The following TIGIT variants were observed in gnomAD, a reference collection of about 807,000 sequenced individuals.
TIGIT encodes T cell immunoreceptor with Ig and ITIM domains.
TIGIT carries 11 observed loss-of-function variants against 19.6 expected under a neutral mutation model. The observed-to-expected ratio is 0.56, with a 90% CI of 0.35 to 0.93. The LOEUF (loss-of-function observed/expected upper bound fraction) is 0.93, where lower values mean the gene tolerates loss of function less well. Among genes scored for constraint, TIGIT ranks in the 40% least tolerant of loss-of-function variants. TIGIT has a pLI of 0.01. For synonymous variants in TIGIT, 130 were observed against 125.5 expected (o/e 1.04, Z -0.24); for missense variants, 295 against 303.9 (o/e 0.97, Z 0.22).
In TIGIT at chr3:114,309,861, A is replaced by G. The variant is rs570773934; in HGVS notation, c.*1730A>G. 3.9e-5 allele frequency: 6 copies of G among 152,304 alleles called. No individual in the cohort carries two copies. In the South Asian group the frequency reaches 1.2e-3, roughly 32 times the overall value. The allele number at this position is 152,304 out of a possible 1,614,324, so 9.4% of individuals were successfully genotyped here. A position where few individuals can be genotyped will look rare whatever the true frequency, so the allele number is the denominator to read the frequency against. ...TGGACTGAGAGTTGGGTGTTATTTA[A>G]CATAATTATGGTAATTGGGAAACAT... On this transcript the variant is annotated 3_prime_UTR_variant, in exon 4 of 4. Transcript: ENST00000383671.
At chr3:114,300,041 A>C (rs1037791644) in intron 3 of TIGIT, among the ~76,000 whole-genome samples, 17 of 152,176 alleles carry the variant, frequency 1.1e-4, no homozygotes, top group African/African-American at 4.1e-4. Flanking sequence ...TATATATGCT[A>C]GAGCTTTCTG....
intron 2 of TIGIT, among the ~76,000 whole-genome samples, chr3:114,298,817 T>G (rs2078471220): frequency 6.6e-6 from 1 of 152,206 alleles, no homozygotes; most frequent in Admixed American, 6.5e-5. Context: ...CCTGGATACC[T>G]GAGCCCTACC....
rs1453740253 is a variant in TIGIT at position 114,309,330 on chromosome 3, C to T, written c.*1199C>T. The T allele has an allele frequency of 6.6e-6, 1 of 152,142 alleles. No homozygotes were observed. Among genetic ancestry groups the T allele is most frequent in the Admixed American group, 6.5e-5 (1 of 15,278 alleles). The allele number at this position is 152,142 out of a possible 1,614,324, so 9.4% of individuals were successfully genotyped here. On this transcript the variant is annotated 3_prime_UTR_variant, in exon 4 of 4. Coordinates refer to ENST00000383671, the MANE Select transcript of TIGIT (RefSeq NM_173799.4). ...TTATTTCTGTTTAATTGCATTCAGG[C>T]TGGATCTTAGAAGACTTTTATCCTT...
chr3:114,303,551 G>GTATA (rs1236072928), intron 3 of TIGIT, among the ~76,000 whole-genome samples: 4 of 5,754 alleles, frequency 7.0e-4, no homozygotes, highest in Admixed American at 3.1e-3. Context: ...ACATATATAT[G>GTATA]TATATATATA....
rs1026101260 is a variant in TIGIT, at chr3:114,295,539, C to T, written c.62-6C>T. ...GGACTCACATGTGCTTCGTCCTCTT[C>T]CCTAGGAATGATGACAGGCACAATA... On this transcript the variant is annotated splice_region_variant and splice_polypyrimidine_tract_variant and intron_variant, in intron 1 of 3. Transcript: ENST00000383671. The T allele has an allele frequency of 1.2e-6, 2 of 1,609,654 alleles. No individual in the cohort carries two copies. The highest frequency in any genetic ancestry group is 1.7e-6 in the Non-Finnish European group (2 of 1,177,392).
chr3:114,298,690 A>G (rs1320105560), intron 2 of TIGIT, among the ~76,000 whole-genome samples: 1 of 152,188 alleles, frequency 6.6e-6, no homozygotes, highest in Non-Finnish European at 1.5e-5. Context: ...GGGAATTTGA[A>G]TTGTGCAGGC....
At chr3:114,298,221 C>A (rs564401508) in intron 2 of TIGIT, among the ~76,000 whole-genome samples, 1 of 152,304 alleles carries the variant, frequency 6.6e-6, no homozygotes, top group Non-Finnish European at 1.5e-5. Context: ...ACCTTGATAT[C>A]TTTGTTCTAT....
At position 114,295,554 on chromosome 3, in the gene TIGIT, C is replaced by T. The variant is rs2107947001; in HGVS notation, c.71C>T (p.Thr24Ile). The T allele has an allele frequency of 3.1e-6, 5 of 1,612,778 alleles. No homozygotes were observed. The highest frequency in any genetic ancestry group is 4.2e-6 in the Non-Finnish European group (5 of 1,179,140). The change falls in exon 2 of 4, where the codon ACA becomes ATA. Residue 24 changes from threonine to isoleucine, a missense_variant. Thr to Ile is a moderately conservative substitution (Grantham distance 89). Coordinates refer to ENST00000383671, the MANE Select transcript of TIGIT (RefSeq NM_173799.4). ...RQAPLASGMM[T>I]GTIETTGNIS... is the part of the protein sequence containing the mutation. ...TCGTCCTCTTCCCTAGGAATGATGA[C>T]AGGCACAATAGAAACAACGGGGAAC...
chr3:114,295,834 G>A lies in TIGIT; in HGVS notation c.351G>A (p.Thr117=), dbSNP rs746846812. 70 of 1,609,946 alleles carry A rather than the reference G, an allele frequency of 4.3e-5. No individual in the cohort carries two copies. Among genetic ancestry groups the A allele is most frequent in the African/African-American group, 5.3e-5 (4 of 74,860 alleles). Residue 117 remains threonine, a synonymous_variant, in exon 2 of 4, where the codon ACG becomes ACA. Transcript: ENST00000383671. ...TCTATCACACCTACCCTGATGGGAC[G>A]TACACTGGGAGAATCTTCCTGGAGG... ...FCIYHTYPDG[T]YTGRIFLEVL... is the part of the protein sequence containing the mutation.
rs148148852 is a variant in TIGIT, at chr3:114,299,696, C to A, written c.491C>A (p.Thr164Asn). Residue 164 changes from threonine (T) to asparagine (N), a missense_variant, in exon 3 of 4, where the codon ACT becomes AAT. Physicochemically the swap from Thr to Asn is moderately conservative, Grantham distance 65. Transcript: ENST00000383671. ...GCAGTCATCGTGGTGGTCGCGTTGA[C>A]TAGAAAGGTAATGGCTCCGGCTGCA... ...CTAVIVVVAL[T>N]RKKKALRIHS... 116 of 1,609,856 alleles carry A rather than the reference C, an allele frequency of 7.2e-5. No individual in the cohort carries two copies. In the African/African-American group the frequency reaches 1.4e-3, roughly 19 times the overall value.
chr3:114,308,254 G>A lies in TIGIT; in HGVS notation c.*123G>A, dbSNP rs1576145448. The A allele has an allele frequency of 1.3e-6, 1 of 741,212 alleles. No homozygotes were observed. Among genetic ancestry groups the A allele is most frequent in the East Asian group, 2.5e-5 (1 of 40,250 alleles). 45.9% of individuals were successfully genotyped at this position (741,212 alleles called of 1,614,324 possible). A position where few individuals can be genotyped will look rare whatever the true frequency, so the allele number is the denominator to read the frequency against. Reference sequence around the variant, plus strand: ...GTGTGTGTATGTGTGTGTGTGTTCAGTTGAGTGAATAAATGTCATCCTCTT... The same window carrying A: ...GTGTGTGTATGTGTGTGTGTGTTCAATTGAGTGAATAAATGTCATCCTCTT... On this transcript the variant is annotated 3_prime_UTR_variant, in exon 4 of 4. Transcript: ENST00000383671.
At chr3:114,302,989 G>C (rs1461906507) in intron 3 of TIGIT, among the ~76,000 whole-genome samples, 1 of 152,148 alleles carries the variant, frequency 6.6e-6, no homozygotes, top group Non-Finnish European at 1.5e-5. Flanking sequence ...ATTGTAGTGT[G>C]AAAGTGCTAT....
At chr3:114,294,347 C>G (rs6792290) in intron 1 of TIGIT, among the ~76,000 whole-genome samples, 37,785 of 151,948 alleles carry the variant, frequency 0.25, 5,066 homozygotes, top group Middle Eastern at 0.41. Flanking sequence ...TTGCAGACTT[C>G]CGGGGTTGGA....
At chr3:114,303,575 A>ATATATATATATACATATATATGTG (rs869056779) in intron 3 of TIGIT, among the ~76,000 whole-genome samples, 10 of 5,052 alleles carry the variant, frequency 2.0e-3, no homozygotes, top group African/African-American at 3.2e-3. Context: ...ATATATATGT[A>ATATATATATATACATATATATGTG]TATATATATA....
intron 3 of TIGIT, among the ~76,000 whole-genome samples, chr3:114,306,211 G>T (rs1306014631): frequency 9.9e-5 from 15 of 152,140 alleles, no homozygotes; most frequent in Non-Finnish European, 2.2e-4. Flanking sequence ...GTACAATTTT[G>T]CCTCTCTTCT....
At chr3:114,301,851 C>T (rs72948662) in intron 3 of TIGIT, among the ~76,000 whole-genome samples, 2,661 of 152,298 alleles carry the variant, frequency 0.017, 85 homozygotes, top group African/African-American at 0.06. Flanking sequence ...TCTCTCTCTC[C>T]TTGCTCAAAG....
At chr3:114,297,922 C>T (rs2078465978) in intron 2 of TIGIT, among the ~76,000 whole-genome samples, 1 of 152,228 alleles carries the variant, frequency 6.6e-6, no homozygotes, top group Non-Finnish European at 1.5e-5. Context: ...CCTCTTGTTT[C>T]CCAAGTGGTC....
intron 3 of TIGIT, among the ~76,000 whole-genome samples, chr3:114,304,345 C>T (rs767150917): frequency 3.9e-5 from 6 of 152,168 alleles, no homozygotes; most frequent in Non-Finnish European, 8.8e-5. Context: ...ATTTGACCCA[C>T]AAAACTCAGT....
intron 2 of TIGIT, chr3:114,296,148 TC>T: frequency 2.7e-6 from 1 of 365,104 alleles, no homozygotes; most frequent in South Asian, 5.7e-5. Flanking sequence ...AAGAAGCACA[TC>T]TTACCTATAT....
Sources: allele counts gnomAD v4.1 joint callset (sites outside exome capture counted in the v4.1 genomes callset), GRCh38; gene constraint gnomAD v4.1.1; transcripts MANE v1.5; gene names NCBI Gene and HGNC (gene_info 2026-07-23, HGNC 2026-07-21).